Variants in CDIN1 observed in about 807,000 individuals in gnomAD.
CDIN1 encodes CDAN1-interacting nuclease 1.
CDIN1 carries 33 observed loss-of-function variants against 45.3 expected under a neutral mutation model. The observed-to-expected ratio is 0.73, with a 90% CI of 0.55 to 0.97. CDIN1 has a LOEUF of 0.97. Ranked by LOEUF, CDIN1 falls within the 50% of genes least tolerant of loss-of-function variation. CDIN1 has a pLI of 0.00. For synonymous variants in CDIN1, 118 were observed against 124.4 expected, an observed-to-expected ratio of 0.95 and a Z score of 0.34; for missense variants, 303 against 339.4, an observed-to-expected ratio of 0.89 and a Z score of 0.84.
intron 10 of CDIN1, among the ~76,000 whole-genome samples, chr15:36,808,069 A>AAG (rs1270486705): frequency 5.3e-5 from 8 of 152,210 alleles, no homozygotes; most frequent in African/African-American, 1.9e-4. Context: ...ACTGAAAGGT[A>AAG]AGATTCAGAG....
intron 10 of CDIN1, chr15:36,790,410 G>GCAA (rs1309049820): frequency 1.3e-5 from 2 of 152,174 alleles, no homozygotes; most frequent in African/African-American, 4.8e-5. Context: ...CAAAGGTTGA[G>GCAA]GTGACCCAAA....
At chr15:36,800,636 A>G (rs1355782393) in intron 10 of CDIN1, among the ~76,000 whole-genome samples, 1 of 151,930 alleles carries the variant, frequency 6.6e-6, no homozygotes, top group Non-Finnish European at 1.5e-5. Flanking sequence ...GTAAGAGTTT[A>G]TTTTAAAACA....
At chr15:36,713,815 T>C (rs915789910) in intron 10 of CDIN1, among the ~76,000 whole-genome samples, 2 of 152,208 alleles carry the variant, frequency 1.3e-5, no homozygotes, top group Non-Finnish European at 2.9e-5. Flanking sequence ...GAAACCTTCC[T>C]GCCTTCTAGG....
intron 10 of CDIN1, among the ~76,000 whole-genome samples, chr15:36,782,775 A>G (rs879786736): frequency 6.6e-5 from 10 of 152,220 alleles, no homozygotes; most frequent in Non-Finnish European, 1.2e-4. Flanking sequence ...ACTAAACACA[A>G]TAGCCATTTC....
intron 10 of CDIN1, among the ~76,000 whole-genome samples, chr15:36,716,290 G>A (rs2043212540): frequency 6.6e-6 from 1 of 152,136 alleles, no homozygotes; most frequent in East Asian, 1.9e-4. Flanking sequence ...TCTGAGTCAT[G>A]TATAGCTCAG....
At chr15:36,613,046 C>T (rs906792325) in intron 1 of CDIN1, among the ~76,000 whole-genome samples, 16 of 152,198 alleles carry the variant, frequency 1.1e-4, no homozygotes, top group African/African-American at 3.6e-4. Flanking sequence ...TAATTAGGAG[C>T]ACACACTCTC....
At chr15:36,664,988 A>T (rs1301607925) in intron 5 of CDIN1, among the ~76,000 whole-genome samples, 1 of 152,180 alleles carries the variant, frequency 6.6e-6, no homozygotes, top group East Asian at 1.9e-4. Context: ...TATGTTTTCA[A>T]TTTCTTGAAA....
intron 10 of CDIN1, among the ~76,000 whole-genome samples, chr15:36,769,680 G>A (rs913564029): frequency 2.4e-4 from 36 of 152,198 alleles, no homozygotes; most frequent in East Asian, 3.9e-4. Flanking sequence ...ACAATGAAAC[G>A]TGAAGCTGAA....
chr15:36,752,771 G>T (rs1342672241), intron 10 of CDIN1, among the ~76,000 whole-genome samples: 1 of 152,120 alleles, frequency 6.6e-6, no homozygotes, highest in African/African-American at 2.4e-5. Flanking sequence ...AGATATTCCA[G>T]TTTGGCTTCT....
chr15:36,752,355 G>A (rs968301765), intron 10 of CDIN1, among the ~76,000 whole-genome samples: 3 of 152,194 alleles, frequency 2.0e-5, no homozygotes, highest in Admixed American at 6.5e-5. Context: ...AGAAGATAAA[G>A]TAGATGAGGC....
chr15:36,774,163 T>TGTGTGTGTGTGTGTGCGCGCGCGC (rs149222188), intron 10 of CDIN1, among the ~76,000 whole-genome samples: 5 of 143,070 alleles, frequency 3.5e-5, no homozygotes, highest in African/African-American at 1.3e-4. Context: ...TGTGTGTGTG[T>TGTGTGTGTGTGTGTGCGCGCGCGC]GCGCGCGCGC....
At chr15:36,620,076 G>T (rs1481195136) in intron 1 of CDIN1, among the ~76,000 whole-genome samples, 1 of 152,168 alleles carries the variant, frequency 6.6e-6, no homozygotes, top group Non-Finnish European at 1.5e-5. Context: ...TTTCGGCCGG[G>T]TGCGGTGGCT....
At position 36,691,701 on chromosome 15, in the gene CDIN1, A is replaced by G. The variant is rs2042256962; in HGVS notation, c.363A>G (p.Ile121Met). The change falls in exon 6 of 11, where the codon ATA becomes ATG. Residue 121 changes from isoleucine to methionine, a missense_variant. Transcript: ENST00000566621. Reference protein sequence around the residue: ...HEETPPSKSIINSMLRDPSQI... With the variant: ...HEETPPSKSIMNSMLRDPSQI... Reference sequence around the variant, plus strand: ...CTTCTACAGCCTCCAAGTCTATTATAAATAGTATGCTACGGGACCCTTCTC... The same window carrying G: ...CTTCTACAGCCTCCAAGTCTATTATGAATAGTATGCTACGGGACCCTTCTC... The G allele has an allele frequency of 1.3e-6, 2 of 1,599,832 alleles. No homozygotes were observed. Among genetic ancestry groups the G allele is most frequent in the Non-Finnish European group, 1.7e-6 (2 of 1,171,578 alleles).
At chr15:36,746,669 C>CCACACACACACACACA (rs34320677) in intron 10 of CDIN1, among the ~76,000 whole-genome samples, 7,371 of 141,410 alleles carry the variant, frequency 0.052, 227 homozygotes, top group East Asian at 0.092. Context: ...ATATATGGTT[C>CCACACACACACACACA]CACACACACA....
At position 36,616,133 on chromosome 15, in the gene CDIN1, G is replaced by A. The variant is rs111599454; in HGVS notation, c.102-28145G>A. Among the ~76,000 whole-genome samples, 1,339 of 152,270 alleles carry A rather than the reference G, an allele frequency of 8.8e-3. 18 individuals are homozygous for A. The highest frequency in any genetic ancestry group is 0.03 in the African/African-American group (1,257 of 41,542). On this transcript the variant is annotated intron_variant, in intron 1 of 10. Coordinates refer to ENST00000566621, the MANE Select transcript of CDIN1 (RefSeq NM_001321759.2). Reference sequence around the variant, plus strand: ...TAATCTCTTAACCACCAGGCTGAAGGCACATCATATACATGGTGGACAGGT... The same window carrying A: ...TAATCTCTTAACCACCAGGCTGAAGACACATCATATACATGGTGGACAGGT...
chr15:36,652,069 C>T (rs2040596407), intron 3 of CDIN1, among the ~76,000 whole-genome samples: 1 of 152,222 alleles, frequency 6.6e-6, no homozygotes, highest in Non-Finnish European at 1.5e-5. Flanking sequence ...CTCACCATGG[C>T]ATGCTCCTTC....
intron 1 of CDIN1, among the ~76,000 whole-genome samples, chr15:36,639,001 GT>G (rs1424515562): frequency 2.6e-5 from 4 of 152,198 alleles, no homozygotes; most frequent in Non-Finnish European, 5.9e-5. Context: ...GTTTAATTAT[GT>G]ATTTTACTTA....
chr15:36,797,750 C>T (rs1368486860), intron 10 of CDIN1, among the ~76,000 whole-genome samples: 10 of 152,050 alleles, frequency 6.6e-5, no homozygotes, highest in Non-Finnish European at 1.0e-4. Flanking sequence ...GGGGCCGAGG[C>T]GGGCAGATCA....
chr15:36,595,207 A>G (rs920027101), intron 1 of CDIN1, among the ~76,000 whole-genome samples: 1 of 151,360 alleles, frequency 6.6e-6, no homozygotes, highest in Non-Finnish European at 1.5e-5. Flanking sequence ...TGTGGGAATT[A>G]TTGTCTTGAA....
Sources: allele counts gnomAD v4.1 joint callset (sites outside exome capture counted in the v4.1 genomes callset), GRCh38; gene constraint gnomAD v4.1.1; transcripts MANE v1.5; gene names NCBI Gene and HGNC (gene_info 2026-07-23, HGNC 2026-07-21).